The following HIC1 variants were observed in gnomAD, a reference collection of about 807,000 sequenced individuals.
The protein encoded by HIC1 is HIC ZBTB transcriptional repressor 1, also known as hypermethylated in cancer 1 protein.
A neutral mutation model predicts 26.4 loss-of-function variants in HIC1; 9 were observed. The observed-to-expected ratio is 0.34, with a 90% CI of 0.21 to 0.59. HIC1 has a LOEUF of 0.59. Among genes scored for constraint, HIC1 ranks in the 20% least tolerant of loss-of-function variants. HIC1 has a pLI of 0.82. For missense variants in HIC1, 965 were observed against 1,075.7 expected (o/e 0.90, Z 1.44); for synonymous variants, 631 against 523.1 (o/e 1.21, Z -2.81).
chr17:2,058,860 T>C lies in HIC1; in HGVS notation c.*25T>C, dbSNP rs1363684348. 1.4e-6 allele frequency: 2 copies of C among 1,413,678 alleles called. No homozygotes were observed. Among genetic ancestry groups the C allele is most frequent in the Admixed American group, 6.5e-5 (2 of 30,592 alleles). The allele number at this position is 1,413,678 out of a possible 1,614,324, so 87.6% of individuals were successfully genotyped here. Reference sequence around the variant, plus strand: ...GAGCGCCCCTCGCCAGCCCGCTCTGTCGCTGCTGCGCGGCCCTGGCCCGCA... The same window carrying C: ...GAGCGCCCCTCGCCAGCCCGCTCTGCCGCTGCTGCGCGGCCCTGGCCCGCA... On this transcript the variant is annotated 3_prime_UTR_variant, in exon 2 of 2. Coordinates refer to ENST00000619757, the MANE Select transcript of HIC1 (RefSeq NM_006497.4).
At position 2,060,268 on chromosome 17, in the gene HIC1, G is replaced by C. The variant is rs1012835083; in HGVS notation, c.*1433G>C. The C allele has an allele frequency of 6.6e-6, 1 of 152,244 alleles. No homozygotes were observed. Among genetic ancestry groups the C allele is most frequent in the Non-Finnish European group, 1.5e-5 (1 of 68,072 alleles). 9.4% of individuals were successfully genotyped at this position (152,244 alleles called of 1,614,324 possible). On this transcript the variant is annotated 3_prime_UTR_variant, in exon 2 of 2. Transcript: ENST00000619757. Reference sequence around the variant, plus strand: ...CCCTGGGTTTCAGGAACTCATTCTTGGTAAGGAAGCCTCCCCACTGAGGTA... The same window carrying C: ...CCCTGGGTTTCAGGAACTCATTCTTCGTAAGGAAGCCTCCCCACTGAGGTA...
At position 2,057,541 on chromosome 17, in the gene HIC1, C is replaced by T. The variant is rs1357979527; in HGVS notation, c.851C>T (p.Pro284Leu). The T allele has an allele frequency of 6.0e-6, 9 of 1,499,416 alleles. No homozygotes were observed. The highest frequency in any genetic ancestry group is 1.5e-5 in the African/African-American group (1 of 68,832). 92.9% of individuals were successfully genotyped at this position (1,499,416 alleles called of 1,614,324 possible). ...CAGAAGCTGGAGGAGGCCGCACCGC[C>T]TTCCGACCCATTTCGCGGCGGCAGC... is the stretch of plus-strand genomic sequence containing the variant. ...PFQKLEEAAP[P>L]SDPFRGGSGS... Residue 284 changes from proline to leucine, a missense_variant, in exon 2 of 2, where the codon CCT (proline) becomes CTT (leucine). This residue lies in a region of HIC1 where 526 missense variants were observed against 525.0 expected (regional missense o/e 1.00). Coordinates refer to ENST00000619757, the MANE Select transcript of HIC1 (RefSeq NM_006497.4).
rs1353649953 is a variant in HIC1, at chr17:2,060,335, G to A, written c.*1500G>A. The stretch of plus-strand genomic sequence containing the variant: ...GGAAAGGGCCCCTGTGTCAGTGTCA[G>A]TTTTTCCGGGGAGTGAGGGCAAAGC... On this transcript the variant is annotated 3_prime_UTR_variant, in exon 2 of 2. Coordinates refer to ENST00000619757, the MANE Select transcript of HIC1 (RefSeq NM_006497.4). 1.3e-5 allele frequency: 2 copies of A among 152,280 alleles called. No individual in the cohort carries two copies. Among genetic ancestry groups the A allele is most frequent in the Non-Finnish European group, 2.9e-5 (2 of 68,072 alleles). 9.4% of individuals were successfully genotyped at this position (152,280 alleles called of 1,614,324 possible).
Position 2,057,419 on chromosome 17 carries a change from C to T in HIC1, c.729C>T (p.Arg243=). 7.0e-7 allele frequency: 1 copy of T among 1,435,558 alleles called. No homozygotes were observed. Among genetic ancestry groups the T allele is most frequent in the Non-Finnish European group, 9.1e-7 (1 of 1,102,332 alleles). The allele number at this position is 1,435,558 out of a possible 1,614,324, so 88.9% of individuals were successfully genotyped here. ...CGCCAGAGCGGCCGCTGGCTGAGCG[C>T]GAGCTGCCCCCGCGCCCGGACAGCC... ...SAAPERPLAE[R]ELPPRPDSPP... is the part of the protein sequence containing the mutation. Residue 243 remains arginine (R), a synonymous_variant, in exon 2 of 2, where the codon CGC becomes CGT. Transcript: ENST00000619757.
Position 2,058,791 on chromosome 17 carries a change from G to A in HIC1, c.2101G>A (p.Ala701Thr). The stretch of plus-strand genomic sequence containing the variant: ...GCTGAGCCAGGGCGCTCACCTGGCG[G>A]CCGGGCCCGACGGCCGGACCATCGA... Reference protein sequence around the residue: ...EVLSQGAHLAAGPDGRTIDRF... With the variant: ...EVLSQGAHLATGPDGRTIDRF... Residue 701 changes from alanine (A) to threonine (T), a missense_variant, in exon 2 of 2, where the codon GCC becomes ACC. Ala to Thr is a moderately conservative substitution (Grantham distance 58). This residue lies in a region of HIC1 where 210 missense variants were observed against 179.2 expected (regional missense o/e 1.17). Transcript: ENST00000619757. The A allele has an allele frequency of 6.6e-7, 1 of 1,507,148 alleles. No individual in the cohort carries two copies. Among genetic ancestry groups the A allele is most frequent in the Non-Finnish European group, 8.8e-7 (1 of 1,134,732 alleles). The allele number at this position is 1,507,148 out of a possible 1,614,324, so 93.4% of individuals were successfully genotyped here.
In HIC1 at chr17:2,058,107, A is replaced by G; in HGVS notation, c.1417A>G (p.Lys473Glu). The change falls in exon 2 of 2, where the codon AAG becomes GAG. Residue 473 changes from lysine (K) to glutamate (E), a missense_variant. Transcript: ENST00000619757. ...GCCCCCTTTTGGAGGCGGCGGGGAC[A>G]AGGTCGCCGGGGCTCCGGGTGGCCT... ...LGPPFGGGGD[K>E]VAGAPGGLGE... The G allele has an allele frequency of 6.3e-7, 1 of 1,596,704 alleles. No homozygotes were observed. The highest frequency in any genetic ancestry group is 8.5e-7 in the Non-Finnish European group (1 of 1,175,000).
intron 1 of HIC1, chr17:2,056,204 C>G (rs2067670813): frequency 1.0e-6 from 1 of 1,003,122 alleles, no homozygotes; most frequent in Non-Finnish European, 1.6e-6. Context: ...CACCGCGCTC[C>G]CCTCCTCCGT....
rs1217138935 is a variant in HIC1, at chr17:2,057,568, G to A, written c.878G>A (p.Gly293Asp). The change falls in exon 2 of 2, where the codon GGC (glycine) becomes GAC (aspartate). Residue 293 changes from glycine (G) to aspartate (D), a missense_variant. This residue lies in a region of HIC1 where 526 missense variants were observed against 525.0 expected (regional missense o/e 1.00). Coordinates refer to ENST00000619757, the MANE Select transcript of HIC1 (RefSeq NM_006497.4). Reference protein sequence around the residue: ...PPSDPFRGGSGSPGPEPPGRP... With the variant: ...PPSDPFRGGSDSPGPEPPGRP... ...TCCGACCCATTTCGCGGCGGCAGCG[G>A]CAGCCCGGGACCCGAGCCCCCCGGC... 6 of 1,503,368 alleles carry A rather than the reference G, an allele frequency of 4.0e-6. No individual in the cohort carries two copies. The highest frequency in any genetic ancestry group is 2.8e-5 in the East Asian group (1 of 36,326). 93.1% of individuals were successfully genotyped at this position (1,503,368 alleles called of 1,614,324 possible).
At position 2,059,909 on chromosome 17, in the gene HIC1, G is replaced by C. The variant is rs1467407006; in HGVS notation, c.*1074G>C. The stretch of plus-strand genomic sequence containing the variant: ...TGCTGCAAACGGGACAGAAAGGAGA[G>C]CTGGGTCTCCCTCCCGACCACCCAG... On this transcript the variant is annotated 3_prime_UTR_variant, in exon 2 of 2. Transcript: ENST00000619757. 6.4e-6 allele frequency: 1 copy of C among 155,860 alleles called. No individual in the cohort carries two copies. Among genetic ancestry groups the C allele is most frequent in the Non-Finnish European group, 1.5e-5 (1 of 68,088 alleles). 9.7% of individuals were successfully genotyped at this position (155,860 alleles called of 1,614,324 possible).
rs1261015544 is a variant in HIC1 at position 2,058,016 on chromosome 17, G to A, written c.1326G>A (p.Glu442=). 3 of 1,601,412 alleles carry A rather than the reference G, an allele frequency of 1.9e-6. No homozygotes were observed. Among genetic ancestry groups the A allele is most frequent in the African/African-American group, 1.3e-5 (1 of 74,780 alleles). ...ACGCGCACGTGGAGGCTCACGTGGA[G>A]GAGGAGGAAGCGCTGTACGGCAGGG... The part of the protein sequence containing the change: ...QLNAHVEAHV[E]EEEALYGRAE... Residue 442 remains glutamate (E), a synonymous_variant, in exon 2 of 2, where the codon GAG becomes GAA. Transcript: ENST00000619757.
chr17:2,056,807 C>G lies in HIC1; in HGVS notation c.117C>G (p.Phe39Leu). The change falls in exon 2 of 2, where the codon TTC becomes TTG. Residue 39 changes from phenylalanine to leucine, a missense_variant. By Grantham distance (22) the Phe-to-Leu change is conservative (BLOSUM62 0). Around this residue, in one of 6 missense-constraint regions of HIC1, gnomAD observed 64 missense variants for 114.0 expected, o/e 0.56. Coordinates refer to ENST00000619757, the MANE Select transcript of HIC1 (RefSeq NM_006497.4). ...TCATCGTGGTGCAGAACGCCCTCTTCCGCGCGCACAAGAACGTGCTGGCGG... is the reference window on the plus strand; with the variant it reads ...TCATCGTGGTGCAGAACGCCCTCTTGCGCGCGCACAAGAACGTGCTGGCGG... ...DVIIVVQNAL[F>L]RAHKNVLAAS... 1 of 1,612,808 alleles carries G rather than the reference C, an allele frequency of 6.2e-7. No homozygotes were observed.
At position 2,055,778 on chromosome 17, in the gene HIC1, A is replaced by C. The variant is rs1407113352; in HGVS notation, c.-21+540A>C. Among the ~76,000 whole-genome samples the C allele has an allele frequency of 6.7e-6, 1 of 149,452 alleles. No homozygotes were observed. Among genetic ancestry groups the C allele is most frequent in the East Asian group, 2.0e-4 (1 of 5,060 alleles). ...CGAGCCGAGGGCCTGGGGCCGGCGC[A>C]CTCCTCCCGCCCTGTCTGCAGTTGG... On this transcript the variant is annotated intron_variant, in intron 1 of 1. Transcript: ENST00000619757. The surrounding 1 kb of genome is among the most constrained non-coding windows in gnomAD (Gnocchi z 6.4).
In HIC1 at chr17:2,058,543, C is replaced by A. The variant is rs765640737; in HGVS notation, c.1853C>A (p.Pro618His). 4.1e-5 allele frequency: 63 copies of A among 1,522,580 alleles called. No individual in the cohort carries two copies. The highest frequency in any genetic ancestry group is 5.5e-5 in the Non-Finnish European group (63 of 1,141,642). 94.3% of individuals were successfully genotyped at this position (1,522,580 alleles called of 1,614,324 possible). A position where few individuals can be genotyped will look rare whatever the true frequency, so the allele number is the denominator to read the frequency against. The change falls in exon 2 of 2, where the codon CCC becomes CAC. Residue 618 changes from proline (P) to histidine (H), a missense_variant. By Grantham distance (77) the Pro-to-His change is moderately conservative (BLOSUM62 -2). Coordinates refer to ENST00000619757, the MANE Select transcript of HIC1 (RefSeq NM_006497.4). Reference protein sequence around the residue: ...GLGGLPGVPGPDGKGKLDFPE... With the variant: ...GLGGLPGVPGHDGKGKLDFPE... ...GGGGGGCTCCCCGGCGTCCCCGGCC[C>A]CGACGGCAAGGGCAAGCTCGACTTC... is the stretch of plus-strand genomic sequence containing the variant.
chr17:2,057,808 ACGGCGACGACTACAAGAGCAG>A lies in HIC1; in HGVS notation c.1120_1140del (p.Gly374_Ser380del). 6.5e-7 allele frequency: 1 copy of A among 1,547,256 alleles called. No individual in the cohort carries two copies. Among genetic ancestry groups the A allele is most frequent in the Non-Finnish European group, 8.7e-7 (1 of 1,151,042 alleles). On this transcript the variant is annotated inframe_deletion, in exon 2 of 2. Transcript: ENST00000619757. ...CTGGACGGGCCCGGCGCGGGCGGCG[ACGGCGACGACTACAAGAGCAG>A]CAGCGAGGAGACCGGTAGCAGCGAG...
In HIC1 at chr17:2,056,712, C is replaced by T; in HGVS notation, c.22C>T (p.Pro8Ser). The change falls in exon 2 of 2, where the codon CCC becomes TCC. Residue 8 changes from proline to serine, a missense_variant. Transcript: ENST00000619757. MLDTMEA[P>S]GHSRQLLLQL... ...GACGATGCTGGACACGATGGAGGCG[C>T]CCGGCCACTCCAGGCAGCTGCTGCT... is the stretch of plus-strand genomic sequence containing the variant. 6.2e-7 allele frequency: 1 copy of T among 1,605,608 alleles called. No individual in the cohort carries two copies. The highest frequency in any genetic ancestry group is 8.5e-7 in the Non-Finnish European group (1 of 1,175,852).
At position 2,061,652 on chromosome 17, in the gene HIC1, A is replaced by G; in HGVS notation, c.*2817A>G. On this transcript the variant is annotated 3_prime_UTR_variant, in exon 2 of 2. Transcript: ENST00000619757. ...GGGCATGAGAGAGCAGAAGGCTGTC[A>G]CTGAGGACAGGAGGCAGAGGGCTGG... 3.8e-6 allele frequency: 6 copies of G among 1,559,534 alleles called. No individual in the cohort carries two copies. Among genetic ancestry groups the G allele is most frequent in the South Asian group, 1.2e-5 (1 of 84,958 alleles).
chr17:2,057,311 C>G lies in HIC1; in HGVS notation c.621C>G (p.Ala207=), dbSNP rs752351431. 6.7e-7 allele frequency: 1 copy of G among 1,501,920 alleles called. No individual in the cohort carries two copies. Among genetic ancestry groups the G allele is most frequent in the African/African-American group, 1.4e-5 (1 of 69,330 alleles). The allele number at this position is 1,501,920 out of a possible 1,614,324, so 93.0% of individuals were successfully genotyped here. Residue 207 remains alanine (A), a synonymous_variant, in exon 2 of 2, where the codon GCC becomes GCG. Coordinates refer to ENST00000619757, the MANE Select transcript of HIC1 (RefSeq NM_006497.4). ...AELYASGPGP[A]AALCASERRC... Reference sequence around the variant, plus strand: ...TGTACGCGTCGGGACCCGGCCCGGCCGCCGCACTCTGTGCCTCGGAGCGCC... The same window carrying G: ...TGTACGCGTCGGGACCCGGCCCGGCGGCCGCACTCTGTGCCTCGGAGCGCC...
In HIC1 at chr17:2,057,447, C is replaced by G; in HGVS notation, c.757C>G (p.Pro253Ala). The G allele has an allele frequency of 4.1e-6, 6 of 1,462,264 alleles. No homozygotes were observed. Among genetic ancestry groups the G allele is most frequent in the Middle Eastern group, 2.3e-4 (1 of 4,304 alleles). The allele number at this position is 1,462,264 out of a possible 1,614,324, so 90.6% of individuals were successfully genotyped here. The part of the protein sequence containing the change: ...RELPPRPDSP[P>A]SAGPAAYKEP... ...GCTGCCCCCGCGCCCGGACAGCCCT[C>G]CCAGCGCCGGCCCCGCCGCCTACAA... Residue 253 changes from proline to alanine, a missense_variant, in exon 2 of 2, where the codon CCC becomes GCC. By Grantham distance (27) the Pro-to-Ala change is conservative. Coordinates refer to ENST00000619757, the MANE Select transcript of HIC1 (RefSeq NM_006497.4).
intron 1 of HIC1, chr17:2,056,299 C>T (rs762280473): frequency 1.9e-6 from 3 of 1,612,264 alleles, no homozygotes; most frequent in Admixed American, 1.7e-5. Context: ...GGGTAAAGTT[C>T]TCCGCCCTGA....
Sources: allele counts gnomAD v4.1 joint callset (sites outside exome capture counted in the v4.1 genomes callset), GRCh38; gene constraint gnomAD v4.1.1; regional missense constraint gnomAD v4.1.1; non-coding constraint Gnocchi (gnomAD v3.1); transcripts MANE v1.5; gene names NCBI Gene and HGNC (gene_info 2026-07-23, HGNC 2026-07-21).